The following ACOX3 variants were observed in gnomAD, a reference collection of about 807,000 sequenced individuals.
ACOX3 encodes peroxisomal acyl-coenzyme A oxidase 3.
In ACOX3, 73 loss-of-function variants were observed where a neutral mutation model predicts 81.5. The ratio of observed to expected loss-of-function variants is 0.90; its 90% CI spans 0.74 to 1.09. The LOEUF (loss-of-function observed/expected upper bound fraction) is 1.09. Ranked by LOEUF, ACOX3 falls within the 50% of genes least tolerant of loss-of-function variation. ACOX3 has a pLI of 0.00. For synonymous variants in ACOX3, 387 were observed against 375.1 expected (o/e 1.03, Z -0.37); for missense variants, 947 against 928.0 (o/e 1.02, Z -0.27).
chr4:8,358,220 A>T, the ACOX3 span: 4 of 152,228 alleles, frequency 2.6e-5, no homozygotes, highest in Admixed American at 6.5e-5. Flanking sequence ...TGCATTCTGC[A>T]GAGAATCTGC....
intron 5 of ACOX3, 25 bp from the exon 6 acceptor site, chr4:8,410,380 G>C: frequency 1.2e-6 from 2 of 1,610,044 alleles, no homozygotes; most frequent in Non-Finnish European, 1.7e-6. Flanking sequence ...ATTTAGGTTA[G>C]TTATAATTAG....
At chr4:8,378,717 G>C (rs115924052) in intron 14 of ACOX3, among the ~76,000 whole-genome samples, 66 of 152,356 alleles carry the variant, frequency 4.3e-4, no homozygotes, top group African/African-American at 1.5e-3. Flanking sequence ...CAAAAAATGA[G>C]AGAAATGCAT....
intron 1 of ACOX3, among the ~76,000 whole-genome samples, chr4:8,438,490 T>A (rs2109058237): frequency 6.6e-6 from 1 of 152,292 alleles, no homozygotes; most frequent in Non-Finnish European, 1.5e-5. Context: ...AAACTAGGTA[T>A]TTACCCTATA....
rs373693406 is a variant in ACOX3, at chr4:8,370,866, C to T, written c.1983+42G>A. 342 of 1,579,002 alleles carry T rather than the reference C, an allele frequency of 2.2e-4. No homozygotes were observed. Among genetic ancestry groups the T allele is most frequent in the Non-Finnish European group, 2.9e-4 (333 of 1,150,444 alleles). On this transcript the variant is annotated intron_variant, in intron 17 of 17. Transcript: ENST00000356406. This position sits in a 1 kb window ranked among gnomAD's most constrained non-coding sequence, Gnocchi z 6.3. ...ATCTCAGCTCCGCAGAAATGCCCAT[C>T]AACCCTTGGGGCACTCCCGTGAGGC...
chr4:8,397,884 G>C (rs1382619032), intron 8 of ACOX3, among the ~76,000 whole-genome samples: 1 of 152,250 alleles, frequency 6.6e-6, no homozygotes. Context: ...ATTTAAGCCG[G>C]GTGCGGCGGC....
In ACOX3 at chr4:8,370,890, G is replaced by A; in HGVS notation, c.1983+18C>T. Reference sequence around the variant, plus strand: ...TCAACCCTTGGGGCACTCCCGTGAGGCCCTGTCCTCCCTTTACCTCGCCGT... The same window carrying A: ...TCAACCCTTGGGGCACTCCCGTGAGACCCTGTCCTCCCTTTACCTCGCCGT... On this transcript the variant is annotated intron_variant, in intron 17 of 17. Coordinates refer to ENST00000356406, the MANE Select transcript of ACOX3 (RefSeq NM_003501.3). The surrounding 1 kb of genome is among the most constrained non-coding windows in gnomAD (Gnocchi z 6.3). 6.2e-7 allele frequency: 1 copy of A among 1,611,024 alleles called. No individual in the cohort carries two copies. Among genetic ancestry groups the A allele is most frequent in the Non-Finnish European group, 8.5e-7 (1 of 1,178,072 alleles).
chr4:8,369,310 T>C (rs1229586447), intron 17 of ACOX3, among the ~76,000 whole-genome samples: 1 of 152,010 alleles, frequency 6.6e-6, no homozygotes, highest in Non-Finnish European at 1.5e-5. Flanking sequence ...GGAAGGTGGG[T>C]AGGGCAAGTC....
intron 1 of ACOX3, among the ~76,000 whole-genome samples, chr4:8,418,917 A>C (rs1722631173): frequency 6.6e-6 from 1 of 152,214 alleles, no homozygotes; most frequent in East Asian, 1.9e-4. Context: ...AATATGGTCA[A>C]CATCATTAGC....
chr4:8,363,806 G>C (rs1164696980), downstream of ACOX3, among the ~76,000 whole-genome samples: 1 of 152,078 alleles, frequency 6.6e-6, no homozygotes, highest in Admixed American at 6.5e-5. Context: ...GTAACCTCTC[G>C]TTGTCCTCAC....
intron 1 of ACOX3, among the ~76,000 whole-genome samples, chr4:8,417,798 C>T (rs1408672296): frequency 4.6e-5 from 7 of 152,324 alleles, no homozygotes; most frequent in Middle Eastern, 3.4e-3. Context: ...AATTGGCAAA[C>T]TTTCAGCTAG....
chr4:8,437,460 C>T lies in ACOX3; in HGVS notation c.-15+3188G>A, dbSNP rs748935571. 2.6e-5 allele frequency among the ~76,000 whole-genome samples: 4 copies of T among 152,166 alleles called. No homozygotes were observed. The highest frequency in any genetic ancestry group is 5.9e-5 in the Non-Finnish European group (4 of 68,032). On this transcript the variant is annotated intron_variant, in intron 1 of 17. Transcript: ENST00000356406. The surrounding 1 kb of genome is among the most constrained non-coding windows in gnomAD (Gnocchi z 5.2). ...AATCAGAAGAAAATGGGAGAGACAG[C>T]AGTGCGCGGGGGCAGGGCCTGTGCC...
At position 8,399,546 on chromosome 4, in the gene ACOX3, A is replaced by T. The variant is rs1560186783; in HGVS notation, c.873+10T>A. 1 of 1,608,136 alleles carries T rather than the reference A, an allele frequency of 6.2e-7. No individual in the cohort carries two copies. Among genetic ancestry groups the T allele is most frequent in the Admixed American group, 1.7e-5 (1 of 59,982 alleles). Reference sequence around the variant, plus strand: ...AAGCACGGCACACGAACGGCCCCCCATGCCTGTACCTTAAAGGGGCTGACA... The same window carrying T: ...AAGCACGGCACACGAACGGCCCCCCTTGCCTGTACCTTAAAGGGGCTGACA... On this transcript the variant is annotated intron_variant, in intron 8 of 17. Transcript: ENST00000356406. This position sits in a 1 kb window ranked among gnomAD's most constrained non-coding sequence, Gnocchi z 4.9.
chr4:8,369,662 G>A (rs1715909642), intron 17 of ACOX3, among the ~76,000 whole-genome samples: 2 of 152,208 alleles, frequency 1.3e-5, no homozygotes. Context: ...CCTGGGCCGC[G>A]CTGAGGCCAG....
intron 1 of ACOX3, among the ~76,000 whole-genome samples, chr4:8,417,619 C>T (rs1560200988): frequency 6.6e-6 from 1 of 152,292 alleles, no homozygotes; most frequent in East Asian, 1.9e-4. Context: ...TCAAGTACCA[C>T]CTTAAGACAC....
In ACOX3 at chr4:8,436,001, T is replaced by C. The variant is rs190199304; in HGVS notation, c.-15+4647A>G. On this transcript the variant is annotated intron_variant, in intron 1 of 17. Transcript: ENST00000356406. ...CAAGTGGGCCCTCTCAGATCTGGTC[T>C]TGCTGGAGCTATGCAAATGCCTCTC... 15 of 152,322 alleles carry C rather than the reference T, an allele frequency of 9.8e-5. No homozygotes were observed. In the East Asian group the frequency reaches 2.9e-3, roughly 29 times the overall value. The allele number at this position is 152,322 out of a possible 1,614,324, so 9.4% of individuals were successfully genotyped here. A position where few individuals can be genotyped will look rare whatever the true frequency, so the allele number is the denominator to read the frequency against.
At chr4:8,422,216 GAGAA>G (rs1723023109) in intron 1 of ACOX3, among the ~76,000 whole-genome samples, 1 of 152,028 alleles carries the variant, frequency 6.6e-6, no homozygotes, top group African/African-American at 2.4e-5. Flanking sequence ...GAAAGTCAAA[GAGAA>G]AGAGAGAGAC....
chr4:8,402,239 G>A (rs984482339), intron 7 of ACOX3, among the ~76,000 whole-genome samples: 1 of 152,248 alleles, frequency 6.6e-6, no homozygotes, highest in African/African-American at 2.4e-5. Context: ...AAACCTGGGT[G>A]ACCTGGTGAG....
Position 8,380,436 on chromosome 4 carries a change from G to A in ACOX3, c.1653+1056C>T, listed in dbSNP as rs376726288. 1.2e-4 allele frequency among the ~76,000 whole-genome samples: 18 copies of A among 152,200 alleles called. No individual in the cohort carries two copies. In the East Asian group the frequency reaches 2.9e-3, roughly 25 times the overall value. On this transcript the variant is annotated intron_variant, in intron 14 of 17. Transcript: ENST00000356406. ...GATCTCCTGACCTTGTAATCCACCCGTCTCAGCCTCCCAAAGTGCTGGGAT... is the reference window on the plus strand; with the variant it reads ...GATCTCCTGACCTTGTAATCCACCCATCTCAGCCTCCCAAAGTGCTGGGAT...
intron 1 of ACOX3, chr4:8,428,632 T>G (rs1244164487): frequency 6.6e-6 from 1 of 152,188 alleles, no homozygotes; most frequent in Non-Finnish European, 1.5e-5. Context: ...CTTCTCTGCT[T>G]TTAGGCAAGG....
Sources: gnomAD v4.1 joint callset for allele counts (sites outside exome capture counted in the v4.1 genomes callset) on GRCh38, gnomAD v4.1.1 for gene constraint, Gnocchi (gnomAD v3.1) non-coding constraint, MANE v1.5 for transcripts, NCBI Gene and HGNC (gene_info 2026-07-23, HGNC 2026-07-21) for gene names.